The following PARD3 variants were observed in gnomAD, a reference collection of about 807,000 sequenced individuals.
The protein encoded by PARD3 is partitioning defective 3 homolog.
In PARD3, 75 loss-of-function variants were observed where a neutral mutation model predicts 155.4. That is an observed-to-expected ratio of 0.48 (90% CI 0.40 to 0.58). The LOEUF is 0.58. PARD3 is among the 20% of genes least tolerant of loss of function. PARD3 has a pLI of 0.00. For synonymous variants in PARD3, 576 were observed against 610.5 expected (o/e 0.94, Z 0.83); for missense variants, 1,642 against 1,721.7 (o/e 0.95, Z 0.82).
At chr10:34,264,612 TAGCTTTATAGG>T (rs1955201515) in intron 22 of PARD3, among the ~76,000 whole-genome samples, 1 of 152,206 alleles carries the variant, frequency 6.6e-6, no homozygotes, top group South Asian at 2.1e-4. Context: ...AGGAAAAGAC[TAGCTTTATAGG>T]AAGTCCCCAC....
intron 2 of PARD3, among the ~76,000 whole-genome samples, chr10:34,661,986 A>G (rs556333956): frequency 6.6e-6 from 1 of 152,252 alleles, no homozygotes; most frequent in South Asian, 2.1e-4. Context: ...GCATGTAAGC[A>G]CCCTGGGGAG....
chr10:34,631,212 T>C (rs2092253870), intron 2 of PARD3, among the ~76,000 whole-genome samples: 1 of 152,170 alleles, frequency 6.6e-6, no homozygotes. Context: ...TTTCGGGGTG[T>C]ACCCACTCAG....
intron 20 of PARD3, 63 bp from the exon 21 acceptor site, chr10:34,284,308 G>C: frequency 1.0e-6 from 1 of 954,414 alleles, no homozygotes; most frequent in Non-Finnish European, 1.7e-6. Flanking sequence ...TTTGTTTGTG[G>C]TAATGACATA....
chr10:34,347,521 A>G (rs1589254838), intron 15 of PARD3, among the ~76,000 whole-genome samples: 1 of 152,262 alleles, frequency 6.6e-6, no homozygotes, highest in Admixed American at 6.5e-5. Context: ...AATATTTTAT[A>G]TATGTGTGCA....
chr10:34,383,529 C>A (rs1589382694), intron 8 of PARD3, among the ~76,000 whole-genome samples: 1 of 152,158 alleles, frequency 6.6e-6, no homozygotes, highest in East Asian at 1.9e-4. Flanking sequence ...GGTCACAGTG[C>A]ACCCATACAA....
At chr10:34,176,947 T>TTGTGTGTGTGTG (rs55740137) in intron 22 of PARD3, among the ~76,000 whole-genome samples, 58 of 149,576 alleles carry the variant, frequency 3.9e-4, no homozygotes, top group African/African-American at 1.2e-3. Flanking sequence ...GAGAAGCAGG[T>TTGTGTGTGTGTG]TGTGTGTGTG....
At chr10:34,728,389 T>C (rs764379107) in intron 1 of PARD3, among the ~76,000 whole-genome samples, 19 of 152,304 alleles carry the variant, frequency 1.2e-4, no homozygotes, top group Non-Finnish European at 2.1e-4. Context: ...AATAGTCACA[T>C]TAGCAGCCAG....
intron 7 of PARD3, 90 bp downstream of exon 7, chr10:34,399,239 AT>A (rs1348836419): frequency 2.4e-6 from 2 of 824,676 alleles, no homozygotes; most frequent in African/African-American, 3.4e-5. Context: ...TATTAAGCAT[AT>A]GCTAAGTCAA....
intron 22 of PARD3, among the ~76,000 whole-genome samples, chr10:34,223,407 A>G (rs1488148877): frequency 6.6e-6 from 1 of 152,230 alleles, no homozygotes; most frequent in African/African-American, 2.4e-5. Flanking sequence ...AATTAAGGGA[A>G]CTTGAAAACA....
rs1282770791 is a variant in PARD3, at chr10:34,480,814, CT to C, written c.404-10552del. 2.5e-4 allele frequency among the ~76,000 whole-genome samples: 17 copies of C among 66,766 alleles called. No individual in the cohort carries two copies. The East Asian group carries it at 7.9e-3, about 31-fold the overall frequency. The allele number at this position is 66,766 out of a possible 152,430, so 43.8% of individuals were successfully genotyped here. A position where few individuals can be genotyped will look rare whatever the true frequency, so the allele number is the denominator to read the frequency against. On this transcript the variant is annotated intron_variant, in intron 3 of 24. Transcript: ENST00000374788. ...TTTTTCTTTTTTTTTTTTTTTTTTT[CT>C]TTTTTGAGACGGAGTCTTGCTCTGT...
In PARD3 at chr10:34,254,568, GTGTGTGTGTGTA is replaced by G. The variant is rs1230588754; in HGVS notation, c.3419+15077_3419+15088del. Among the ~76,000 whole-genome samples the G allele has an allele frequency of 1.7e-3, 247 of 146,240 alleles. 1 individual carries two copies. The highest frequency in any genetic ancestry group is 6.2e-3 in the African/African-American group (233 of 37,350). ...TGTGTGTGTGTGTGTGTGTGTGTGT[GTGTGTGTGTGTA>G]TAAAAATTTAGCTCTTTCCCATTTA... On this transcript the variant is annotated intron_variant, in intron 22 of 24. Coordinates refer to ENST00000374788, the MANE Select transcript of PARD3 (RefSeq NM_001184785.2).
intron 9 of PARD3, among the ~76,000 whole-genome samples, chr10:34,381,972 GA>G (rs1375874524): frequency 3.7e-5 from 4 of 109,462 alleles, no homozygotes; most frequent in Non-Finnish European, 6.4e-5. Context: ...GAAAAGAAAA[GA>G]AAAAAAAGAA....
chr10:34,630,081 G>C (rs1449648810), intron 2 of PARD3, among the ~76,000 whole-genome samples: 2 of 152,130 alleles, frequency 1.3e-5, no homozygotes, highest in Non-Finnish European at 2.9e-5. Flanking sequence ...AACTAGAAGA[G>C]GGAGGGAGAG....
At chr10:34,809,073 GA>G (rs371140922) in intron 1 of PARD3, among the ~76,000 whole-genome samples, 156 of 152,314 alleles carry the variant, frequency 1.0e-3, no homozygotes, top group African/African-American at 3.4e-3. Context: ...CAGCTGATAC[GA>G]AAGAGTAACT....
intron 3 of PARD3, among the ~76,000 whole-genome samples, chr10:34,500,350 A>T (rs563055763): frequency 6.6e-6 from 1 of 152,384 alleles, no homozygotes; most frequent in Admixed American, 6.5e-5. Context: ...GTAAGTTGTA[A>T]AACAAAAATG....
At chr10:34,587,596 A>G (rs1026166520) in intron 2 of PARD3, among the ~76,000 whole-genome samples, 15 of 152,180 alleles carry the variant, frequency 9.9e-5, no homozygotes, top group African/African-American at 2.9e-4. Flanking sequence ...AAACTTTGCA[A>G]AAGAAGGGCA....
At position 34,175,824 on chromosome 10, in the gene PARD3, T is replaced by C. The variant is rs546894341; in HGVS notation, c.3420-44241A>G. Among the ~76,000 whole-genome samples, 4 of 152,350 alleles carry C rather than the reference T, an allele frequency of 2.6e-5. No homozygotes were observed. The East Asian group carries it at 7.7e-4, about 29-fold the overall frequency. ...TAAAATTATATGAACAATTTAAGTG[T>C]TAAATCCCCATATGTCAGTTTATTC... On this transcript the variant is annotated intron_variant, in intron 22 of 24. Transcript: ENST00000374788.
chr10:34,120,757 T>C (rs954025257), intron 23 of PARD3, among the ~76,000 whole-genome samples: 1 of 152,196 alleles, frequency 6.6e-6, no homozygotes, highest in African/African-American at 2.4e-5. Context: ...CCTTAGTTAT[T>C]AGGAAATGGC....
At chr10:34,332,043 G>A (rs969062261) in intron 18 of PARD3, among the ~76,000 whole-genome samples, 3 of 152,194 alleles carry the variant, frequency 2.0e-5, no homozygotes, top group African/African-American at 7.2e-5. Flanking sequence ...GACTGGATAT[G>A]AGTACTTCTA....
Sources: allele counts gnomAD v4.1 joint callset (sites outside exome capture counted in the v4.1 genomes callset), GRCh38; gene constraint gnomAD v4.1.1; transcripts MANE v1.5; gene names NCBI Gene and HGNC (gene_info 2026-07-23, HGNC 2026-07-21).